The following ZNF134 variants were observed in gnomAD, a reference collection of about 807,000 sequenced individuals.
ZNF134 encodes the protein zinc finger protein 134, also known as zinc finger protein 134 (clone pHZ-15).
Under a neutral mutation model 2.5 loss-of-function variants are expected in ZNF134, and 5 were observed. The ratio of observed to expected loss-of-function variants is 2.03; its 90% CI spans 1.06 to 4.27. ZNF134 has a LOEUF of 4.27. ZNF134 is among the 30% of genes most tolerant of loss of function. ZNF134 has a pLI of 0.00. For missense variants in ZNF134, 540 were observed against 517.5 expected (o/e 1.04, Z -0.42); for synonymous variants, 176 against 176.2 (o/e 1.00, Z 0.01).
intron 1 of ZNF134, chr19:57,618,730 CAGTTG>C (rs1412477504): frequency 6.6e-6 from 1 of 152,342 alleles, no homozygotes; most frequent in African/African-American, 2.4e-5. Flanking sequence ...TCCTTAAGCT[CAGTTG>C]TCCACCTCAC....
rs370999510 is a variant in ZNF134, at chr19:57,620,144, A to G, written c.41-16A>G. On this transcript the variant is annotated splice_polypyrimidine_tract_variant and intron_variant, in intron 2 of 2. Coordinates refer to ENST00000396161, the MANE Select transcript of ZNF134 (RefSeq NM_003435.5). ...CAAAGTCAGCATGTACATCAATAGT[A>G]TTTTTCTGCCTTCAGGTTGTTGGCA... 2.9e-5 allele frequency: 47 copies of G among 1,603,794 alleles called. No homozygotes were observed. The highest frequency in any genetic ancestry group is 3.7e-5 in the Non-Finnish European group (43 of 1,173,762).
In ZNF134 at chr19:57,620,746, T is replaced by C; in HGVS notation, c.627T>C (p.Cys209=). The C allele has an allele frequency of 6.2e-7, 1 of 1,612,098 alleles. No individual in the cohort carries two copies. The highest frequency in any genetic ancestry group is 8.5e-7 in the Non-Finnish European group (1 of 1,178,178). ...AGAAGCCTTATGAGTGCAGCGAATG[T>C]GGGAAAGCCTTCAGCCGCAAAGCTA... is the stretch of plus-strand genomic sequence containing the variant. ...SGEKPYECSE[C]GKAFSRKATL... The change falls in exon 3 of 3, where the codon TGT becomes TGC. Residue 209 remains cysteine (C), a synonymous_variant. Coordinates refer to ENST00000396161, the MANE Select transcript of ZNF134 (RefSeq NM_003435.5).
At position 57,620,916 on chromosome 19, in the gene ZNF134, G is replaced by C; in HGVS notation, c.797G>C (p.Gly266Ala). 1 of 1,614,174 alleles carries C rather than the reference G, an allele frequency of 6.2e-7. No individual in the cohort carries two copies. The change falls in exon 3 of 3, where the codon GGG (glycine) becomes GCG (alanine). Residue 266 changes from glycine (G) to alanine (A), a missense_variant. Coordinates refer to ENST00000396161, the MANE Select transcript of ZNF134 (RefSeq NM_003435.5). ...GEMPYKCNEC[G>A]KYFSHHSNLI... ...ATGCCTTATAAGTGCAATGAATGTG[G>C]GAAATATTTTAGCCATCACTCCAAT... is the stretch of plus-strand genomic sequence containing the variant.
intron 2 of ZNF134, 137 bp downstream of exon 2, chr19:57,619,645 C>T (rs2122127762): frequency 2.0e-6 from 2 of 976,502 alleles, no homozygotes; most frequent in Non-Finnish European, 3.0e-6. Flanking sequence ...TCTGTACACT[C>T]TTGTCATTTC....
intron 1 of ZNF134, among the ~76,000 whole-genome samples, chr19:57,617,357 G>T (rs1363308906): frequency 6.6e-6 from 1 of 152,216 alleles, no homozygotes; most frequent in East Asian, 1.9e-4. Context: ...GGTGGGAGAT[G>T]TGGATGGATT....
Position 57,620,890 on chromosome 19 carries a change from A to T in ZNF134, c.771A>T (p.Glu257Asp), listed in dbSNP as rs763873841. The change falls in exon 3 of 3, where the codon GAA (glutamate) becomes GAT (aspartate). Residue 257 changes from glutamate (E) to aspartate (D), a missense_variant. By Grantham distance (45) the Glu-to-Asp change is conservative. Transcript: ENST00000396161. ...LTQHKRIHTG[E>D]MPYKCNECGK... ...AGCACAAGAGAATCCACACTGGAGAAATGCCTTATAAGTGCAATGAATGTG... is the reference window on the plus strand; with the variant it reads ...AGCACAAGAGAATCCACACTGGAGATATGCCTTATAAGTGCAATGAATGTG... 1 of 1,614,256 alleles carries T rather than the reference A, an allele frequency of 6.2e-7. No individual in the cohort carries two copies. Among genetic ancestry groups the T allele is most frequent in the Non-Finnish European group, 8.5e-7 (1 of 1,180,042 alleles).
At position 57,621,760 on chromosome 19, in the gene ZNF134, G is replaced by A. The variant is rs1338163688; in HGVS notation, c.*357G>A. On this transcript the variant is annotated 3_prime_UTR_variant, in exon 3 of 3. Transcript: ENST00000396161. ...ATTTTTAGCCAAGAGGGTCTGAGCT[G>A]TATCTGCTGGTGGCTTATACAAAAA... is the stretch of plus-strand genomic sequence containing the variant. 5.4e-6 allele frequency: 2 copies of A among 369,626 alleles called. No homozygotes were observed. The highest frequency in any genetic ancestry group is 2.1e-5 in the African/African-American group (1 of 48,114). The allele number at this position is 369,626 out of a possible 1,614,324, so 22.9% of individuals were successfully genotyped here. A position where few individuals can be genotyped will look rare whatever the true frequency, so the allele number is the denominator to read the frequency against.
chr19:57,616,567 C>T (rs1323828608), intron 1 of ZNF134, among the ~76,000 whole-genome samples: 1 of 152,226 alleles, frequency 6.6e-6, no homozygotes, highest in East Asian at 1.9e-4. Flanking sequence ...GATGAGGACA[C>T]TCAGACGCTG....
In ZNF134 at chr19:57,620,647, C is replaced by G. The variant is rs1395019046; in HGVS notation, c.528C>G (p.Tyr176Ter). The G allele has an allele frequency of 6.2e-7, 1 of 1,614,216 alleles. No homozygotes were observed. The highest frequency in any genetic ancestry group is 8.5e-7 in the Non-Finnish European group (1 of 1,180,044). Residue 176 changes from tyrosine (Y) to a stop codon, truncating the protein, a stop_gained, in exon 3 of 3, where the codon TAC becomes TAG. Transcript: ENST00000396161. LOFTEE classifies it low-confidence loss of function (END_TRUNC). ...GDAFHGEQMH[Y>*]KCSECGKAFS... ...CATTTCATGGTGAACAAATGCATTACAAGTGCAGTGAATGTGGGAAAGCTT... is the reference window on the plus strand; with the variant it reads ...CATTTCATGGTGAACAAATGCATTAGAAGTGCAGTGAATGTGGGAAAGCTT...
Position 57,620,881 on chromosome 19 carries a change from C to T in ZNF134, c.762C>T (p.His254=). 1 of 1,614,200 alleles carries T rather than the reference C, an allele frequency of 6.2e-7. No homozygotes were observed. Among genetic ancestry groups the T allele is most frequent in the Non-Finnish European group, 8.5e-7 (1 of 1,180,034 alleles). The change falls in exon 3 of 3, where the codon CAC becomes CAT. Residue 254 remains histidine (H), a synonymous_variant. Transcript: ENST00000396161. ...ACCTTACTCAGCACAAGAGAATCCACACTGGAGAAATGCCTTATAAGTGCA... is the reference window on the plus strand; with the variant it reads ...ACCTTACTCAGCACAAGAGAATCCATACTGGAGAAATGCCTTATAAGTGCA... ...KDNLTQHKRI[H]TGEMPYKCNE...
In ZNF134 at chr19:57,620,731, T is replaced by A. The variant is rs745994779; in HGVS notation, c.612T>A (p.Tyr204Ter). The change falls in exon 3 of 3, where the codon TAT becomes TAA. Residue 204 changes from tyrosine (Y) to a stop codon, truncating the protein, a stop_gained. Transcript: ENST00000396161. LOFTEE classifies it low-confidence loss of function (END_TRUNC). Reference sequence around the variant, plus strand: ...GAATTCATAGTGGAGAGAAGCCTTATGAGTGCAGCGAATGTGGGAAAGCCT... The same window carrying A: ...GAATTCATAGTGGAGAGAAGCCTTAAGAGTGCAGCGAATGTGGGAAAGCCT... ...HQRIHSGEKP[Y>*]ECSECGKAFS... The A allele has an allele frequency of 1.9e-6, 3 of 1,611,218 alleles. No homozygotes were observed. The highest frequency in any genetic ancestry group is 2.2e-5 in the South Asian group (2 of 90,942).
Position 57,621,349 on chromosome 19 carries a change from C to A in ZNF134, c.1230C>A (p.Ser410Arg). Residue 410 changes from serine to arginine, a missense_variant, in exon 3 of 3, where the codon AGC becomes AGA. Coordinates refer to ENST00000396161, the MANE Select transcript of ZNF134 (RefSeq NM_003435.5). The part of the protein sequence containing the change: ...YECSECGKAY[S>R]LSSHLNRHQK... ...GCAGTGAATGTGGGAAGGCCTACAG[C>A]TTAAGCTCCCACCTCAATCGGCACC... 1 of 1,614,100 alleles carries A rather than the reference C, an allele frequency of 6.2e-7. No homozygotes were observed. The highest frequency in any genetic ancestry group is 1.1e-5 in the South Asian group (1 of 91,082).
rs1981170212 is a variant in ZNF134 at position 57,620,436 on chromosome 19, T to G, written c.317T>G (p.Leu106Ter). Residue 106 changes from leucine to a stop codon, truncating the protein, a stop_gained, in exon 3 of 3, where the codon TTA becomes TGA. Transcript: ENST00000396161. LOFTEE classifies it low-confidence loss of function (END_TRUNC). ...AAGTGTTACAGTATAGAGCAACCCTTAAGAAGGGATAAAAGTGAGGCCTCA... is the reference window on the plus strand; with the variant it reads ...AAGTGTTACAGTATAGAGCAACCCTGAAGAAGGGATAAAAGTGAGGCCTCA... ...YQKCYSIEQP[L>*]RRDKSEASIV... 1 of 1,613,964 alleles carries G rather than the reference T, an allele frequency of 6.2e-7. No homozygotes were observed. Among genetic ancestry groups the G allele is most frequent in the Admixed American group, 1.7e-5 (1 of 60,002 alleles).
Position 57,621,730 on chromosome 19 carries a change from G to A in ZNF134, c.*327G>A, listed in dbSNP as rs770227314. ...GTATGACAGGTATAGGTATGGATAT[G>A]ACCCATTTTTAGCCAAGAGGGTCTG... On this transcript the variant is annotated 3_prime_UTR_variant, in exon 3 of 3. Transcript: ENST00000396161. 2.3e-5 allele frequency: 10 copies of A among 428,626 alleles called. No homozygotes were observed. The highest frequency in any genetic ancestry group is 4.4e-5 in the Non-Finnish European group (10 of 227,906). The allele number at this position is 428,626 out of a possible 1,614,324, so 26.6% of individuals were successfully genotyped here. A position where few individuals can be genotyped will look rare whatever the true frequency, so the allele number is the denominator to read the frequency against.
chr19:57,619,766 A>G, intron 2 of ZNF134: 1 of 563,894 alleles, frequency 1.8e-6, no homozygotes, highest in Non-Finnish European at 3.1e-6. Flanking sequence ...CACTTACACT[A>G]TTGTGTCATA....
rs370318781 is a variant in ZNF134 at position 57,620,693 on chromosome 19, G to A, written c.574G>A (p.Val192Ile). 8 of 1,614,094 alleles carry A rather than the reference G, an allele frequency of 5.0e-6. No homozygotes were observed. The highest frequency in any genetic ancestry group is 6.8e-6 in the Non-Finnish European group (8 of 1,179,976). ...AGCTTTCAGCCGCAAAGACACACTT[G>A]TCCAGCACCAGAGAATTCATAGTGG... is the stretch of plus-strand genomic sequence containing the variant. ...GKAFSRKDTL[V>I]QHQRIHSGEK... The change falls in exon 3 of 3, where the codon GTC (valine) becomes ATC (isoleucine). Residue 192 changes from valine to isoleucine, a missense_variant. Transcript: ENST00000396161.
intron 1 of ZNF134, among the ~76,000 whole-genome samples, chr19:57,618,420 G>A (rs1032691922): frequency 6.6e-6 from 1 of 152,204 alleles, no homozygotes; most frequent in Non-Finnish European, 1.5e-5. Context: ...AAAGGGTGAT[G>A]TGCACATGGA....
chr19:57,617,725 T>C (rs1002788436), intron 1 of ZNF134, among the ~76,000 whole-genome samples: 1 of 152,110 alleles, frequency 6.6e-6, no homozygotes, highest in African/African-American at 2.4e-5. Flanking sequence ...AGAGAATCTT[T>C]AGGTCATGGT....
chr19:57,618,173 T>TG (rs1470544686), intron 1 of ZNF134, among the ~76,000 whole-genome samples: 1 of 152,178 alleles, frequency 6.6e-6, no homozygotes, highest in African/African-American at 2.4e-5. Context: ...TGAGTTTATC[T>TG]GGGATCTGCA....
Sources: gnomAD v4.1 joint callset for allele counts (sites outside exome capture counted in the v4.1 genomes callset) on GRCh38, gnomAD v4.1.1 for gene constraint, MANE v1.5 for transcripts, NCBI Gene and HGNC (gene_info 2026-07-23, HGNC 2026-07-21) for gene names.